Variants in GRM7 observed in about 807,000 individuals in gnomAD.
The protein encoded by GRM7 is glutamate metabotropic receptor 7.
Under a neutral mutation model 84.5 loss-of-function variants are expected in GRM7, and 35 were observed. That is an observed-to-expected ratio of 0.41 (90% CI 0.32 to 0.55). The LOEUF is 0.55. Among genes scored for constraint, GRM7 ranks in the 20% least tolerant of loss-of-function variants. The pLI is 0.19. For synonymous variants in GRM7, 487 were observed against 455.1 expected (o/e 1.07, Z -0.89); for missense variants, 1,003 against 1,194.6 (o/e 0.84, Z 2.36).
intron 8 of GRM7, among the ~76,000 whole-genome samples, chr3:7,662,647 A>C (rs1480345082): frequency 6.6e-6 from 1 of 152,222 alleles, no homozygotes; most frequent in Admixed American, 6.5e-5. Flanking sequence ...TGACGCTTAC[A>C]GAAATAAAGT....
At chr3:7,353,699 C>T (rs1051459674) in intron 4 of GRM7, among the ~76,000 whole-genome samples, 2 of 152,132 alleles carry the variant, frequency 1.3e-5, no homozygotes, top group Non-Finnish European at 2.9e-5. Flanking sequence ...CCTGTGATTG[C>T]TCTTGTCTGC....
chr3:7,533,620 C>A lies in GRM7; in HGVS notation c.1516-44802C>A, dbSNP rs1037973419. Among the ~76,000 whole-genome samples, 4 of 152,136 alleles carry A rather than the reference C, an allele frequency of 2.6e-5. No homozygotes were observed. The East Asian group carries it at 5.8e-4, about 22-fold the overall frequency. On this transcript the variant is annotated intron_variant, in intron 7 of 9. Coordinates refer to ENST00000357716, the MANE Select transcript of GRM7 (RefSeq NM_000844.4). ...GTGTAGCTTCACAAAAGGGCTCTGGCAATCCAGAGGAAACCCCAATCCTGA... is the reference window on the plus strand; with the variant it reads ...GTGTAGCTTCACAAAAGGGCTCTGGAAATCCAGAGGAAACCCCAATCCTGA...
chr3:6,991,242 A>G (rs1035097898), intron 1 of GRM7, among the ~76,000 whole-genome samples: 1 of 152,182 alleles, frequency 6.6e-6, no homozygotes, highest in Non-Finnish European at 1.5e-5. Flanking sequence ...AGAATGAATG[A>G]ACCTATGAAT....
intron 9 of GRM7, among the ~76,000 whole-genome samples, chr3:7,723,857 T>C (rs957206941): frequency 3.3e-5 from 5 of 151,954 alleles, no homozygotes; most frequent in African/African-American, 9.7e-5. Context: ...CCCAAAAACA[T>C]TTTTTTAATA....
chr3:7,580,110 G>C (rs1695174434), intron 8 of GRM7, among the ~76,000 whole-genome samples: 1 of 152,222 alleles, frequency 6.6e-6, no homozygotes, highest in Admixed American at 6.5e-5. Flanking sequence ...TATAAGTCTT[G>C]TGAATCTTTG....
intron 1 of GRM7, among the ~76,000 whole-genome samples, chr3:7,120,073 A>C: frequency 6.6e-6 from 1 of 152,122 alleles, no homozygotes; most frequent in East Asian, 1.9e-4. Flanking sequence ...AAGCACAAAA[A>C]GTCTCAGAAT....
intron 1 of GRM7, among the ~76,000 whole-genome samples, chr3:6,906,899 A>G (rs1423585919): frequency 6.6e-6 from 1 of 152,192 alleles, no homozygotes; most frequent in Non-Finnish European, 1.5e-5. Flanking sequence ...AGAACTGCAC[A>G]TATTTAGCAT....
intron 1 of GRM7, among the ~76,000 whole-genome samples, chr3:7,082,662 C>T (rs911487939): frequency 6.6e-6 from 1 of 151,948 alleles, no homozygotes; most frequent in Admixed American, 6.6e-5. Context: ...AATAGAAAAC[C>T]CCCTGGAAAT....
intron 2 of GRM7, among the ~76,000 whole-genome samples, chr3:7,174,899 A>C (rs1695095499): frequency 6.6e-6 from 1 of 152,214 alleles, no homozygotes; most frequent in South Asian, 2.1e-4. Context: ...CTAAGCTTTA[A>C]TTTATTTTTC....
intron 2 of GRM7, among the ~76,000 whole-genome samples, chr3:7,158,811 C>T (rs914641627): frequency 6.6e-6 from 1 of 152,160 alleles, no homozygotes; most frequent in Non-Finnish European, 1.5e-5. Flanking sequence ...TCTAGAGAGT[C>T]TTTTAGCCTA....
intron 1 of GRM7, among the ~76,000 whole-genome samples, chr3:7,087,498 A>G (rs924628314): frequency 6.6e-6 from 1 of 152,128 alleles, no homozygotes; most frequent in Non-Finnish European, 1.5e-5. Flanking sequence ...GAAAGAAAAT[A>G]ACTTTCAGGA....
At chr3:7,187,200 A>AACACACACACAC (rs5846494) in intron 2 of GRM7, among the ~76,000 whole-genome samples, 1 of 150,552 alleles carries the variant, frequency 6.6e-6, no homozygotes, top group Non-Finnish European at 1.5e-5. Flanking sequence ...AGGAAGTGAG[A>AACACACACACAC]ACACACACAC....
At chr3:6,914,151 G>A (rs62235380) in intron 1 of GRM7, among the ~76,000 whole-genome samples, 1 of 152,062 alleles carries the variant, frequency 6.6e-6, no homozygotes, top group African/African-American at 2.4e-5. Context: ...TTGCCTTCAA[G>A]TACTTTAGAA....
intron 8 of GRM7, among the ~76,000 whole-genome samples, chr3:7,654,306 A>G (rs1372510777): frequency 6.6e-6 from 1 of 152,188 alleles, no homozygotes; most frequent in Non-Finnish European, 1.5e-5. Context: ...CAACATAACA[A>G]TGACAAAGCA....
chr3:7,534,531 T>C (rs1045906032), intron 7 of GRM7, among the ~76,000 whole-genome samples: 11 of 152,142 alleles, frequency 7.2e-5, no homozygotes, highest in African/African-American at 2.7e-4. Context: ...CCTCATTTCT[T>C]AGATGAGGAA....
chr3:7,072,713 A>G (rs887853710), intron 1 of GRM7, among the ~76,000 whole-genome samples: 2 of 152,144 alleles, frequency 1.3e-5, no homozygotes, highest in Non-Finnish European at 2.9e-5. Flanking sequence ...AAAATAAGAT[A>G]AAGGTCTCAC....
intron 4 of GRM7, among the ~76,000 whole-genome samples, chr3:7,402,601 G>T (rs555980126): frequency 6.6e-6 from 1 of 152,068 alleles, no homozygotes; most frequent in Admixed American, 6.6e-5. Context: ...GTTTTAGAAC[G>T]TTGGACAGTT....
intron 2 of GRM7, among the ~76,000 whole-genome samples, chr3:7,173,655 A>G (rs1187346897): frequency 2.6e-5 from 4 of 152,082 alleles, no homozygotes; most frequent in South Asian, 2.1e-4. Context: ...TTCTAGACTC[A>G]TGGTTCAAAC....
At chr3:7,584,989 T>C (rs1325069640) in intron 8 of GRM7, among the ~76,000 whole-genome samples, 1 of 152,204 alleles carries the variant, frequency 6.6e-6, no homozygotes, top group Non-Finnish European at 1.5e-5. Context: ...TCCAGCCATA[T>C]AAACATACAC....
Sources: allele counts gnomAD v4.1 joint callset (sites outside exome capture counted in the v4.1 genomes callset), GRCh38; gene constraint gnomAD v4.1.1; transcripts MANE v1.5; gene names NCBI Gene and HGNC (gene_info 2026-07-23, HGNC 2026-07-21).